The following CHD7 variants were observed in gnomAD, a reference collection of about 807,000 sequenced individuals.
The protein encoded by CHD7 is chromodomain helicase DNA binding protein 7.
CHD7 carries 24 observed loss-of-function variants against 307.3 expected under a neutral mutation model. That is an observed-to-expected ratio of 0.08 (90% CI 0.06 to 0.11). The LOEUF is 0.11. CHD7 is among the 10% of genes least tolerant of loss of function. The probability of loss-of-function intolerance (pLI) is 1.00; values close to 1 mark genes in which losing one functional copy is unlikely to be tolerated. For missense variants in CHD7, 3,106 were observed against 3,727.1 expected, an observed-to-expected ratio of 0.83 and a Z score of 4.34; for synonymous variants, 1,363 against 1,349.9, an observed-to-expected ratio of 1.01 and a Z score of -0.21.
chr8:60,799,360 G>C (rs1264745078), intron 4 of CHD7, among the ~76,000 whole-genome samples: 1 of 152,196 alleles, frequency 6.6e-6, no homozygotes, highest in Non-Finnish European at 1.5e-5. Context: ...TTGACCACAG[G>C]ATTGTGAGAA....
In CHD7 at chr8:60,828,087, CAA is replaced by C. The variant is rs1177998008; in HGVS notation, c.3379-574_3379-573del. 2.0e-5 allele frequency among the ~76,000 whole-genome samples: 3 copies of C among 151,996 alleles called. No individual in the cohort carries two copies. In the East Asian group the frequency reaches 5.8e-4, roughly 29 times the overall value. ...AATTAAAGAAATACCTAACTTGGTT[CAA>C]AGAGACAAATTTATAAATAGCATCT... is the stretch of plus-strand genomic sequence containing the variant. On this transcript the variant is annotated intron_variant, in intron 13 of 37. Coordinates refer to ENST00000423902, the MANE Select transcript of CHD7 (RefSeq NM_017780.4).
At chr8:60,772,276 C>T (rs1810748555) in intron 2 of CHD7, among the ~76,000 whole-genome samples, 1 of 152,064 alleles carries the variant, frequency 6.6e-6, no homozygotes. Context: ...TGCACAAACC[C>T]CTGGGATTGT....
At chr8:60,705,040 G>T (rs577021029) in intron 1 of CHD7, among the ~76,000 whole-genome samples, 1 of 152,186 alleles carries the variant, frequency 6.6e-6, no homozygotes. Flanking sequence ...CTGCATAGGA[G>T]CTCTGAATGT....
chr8:60,753,100 T>G (rs1325564340), intron 2 of CHD7, among the ~76,000 whole-genome samples: 1 of 152,258 alleles, frequency 6.6e-6, no homozygotes, highest in Non-Finnish European at 1.5e-5. Flanking sequence ...TTGAAATGCA[T>G]GAAGACATCC....
intron 8 of CHD7, among the ~76,000 whole-genome samples, chr8:60,819,787 C>T (rs974355995): frequency 3.3e-5 from 5 of 152,186 alleles, no homozygotes; most frequent in Non-Finnish European, 4.4e-5. Flanking sequence ...AGGTTTCACA[C>T]GGTAATTAAA....
In CHD7 at chr8:60,862,809, T is replaced by C. The variant is rs62526546; in HGVS notation, c.8076+157T>C. 6 of 522,514 alleles carry C rather than the reference T, an allele frequency of 1.1e-5. No homozygotes were observed. In the East Asian group the frequency reaches 2.0e-4, roughly 17 times the overall value. 32.4% of individuals were successfully genotyped at this position (522,514 alleles called of 1,614,324 possible). A position where few individuals can be genotyped will look rare whatever the true frequency, so the allele number is the denominator to read the frequency against. ...TTTCATACATCATTTCATACATCAT[T>C]AATACATCATTAATCCAAAGTGAAT... On this transcript the variant is annotated intron_variant, in intron 37 of 37. Transcript: ENST00000423902.
chr8:60,680,708 C>G (rs942604078), intron 1 of CHD7, among the ~76,000 whole-genome samples: 1 of 152,102 alleles, frequency 6.6e-6, no homozygotes, highest in Admixed American at 6.5e-5. Flanking sequence ...AGTTTTTTTC[C>G]CCCTCTTCTG....
intron 1 of CHD7, among the ~76,000 whole-genome samples, chr8:60,726,464 C>T (rs1397127488): frequency 2.6e-5 from 4 of 152,114 alleles, no homozygotes; most frequent in South Asian, 2.1e-4. Flanking sequence ...AGAATGCTTT[C>T]GAAATTAAGA....
intron 23 of CHD7, among the ~76,000 whole-genome samples, chr8:60,846,157 A>G (rs561580313): frequency 6.6e-6 from 1 of 152,312 alleles, no homozygotes. Context: ...TAATGGTGCT[A>G]TGAACATTGT....
Position 60,821,963 on chromosome 8 carries a change from A to G in CHD7, c.2835+36A>G, listed in dbSNP as rs760393295. The G allele has an allele frequency of 1.9e-6, 3 of 1,613,262 alleles. No individual in the cohort carries two copies. The African/African-American group carries it at 4.0e-5, about 22-fold the overall frequency. On this transcript the variant is annotated intron_variant, in intron 10 of 37. Coordinates refer to ENST00000423902, the MANE Select transcript of CHD7 (RefSeq NM_017780.4). Reference sequence around the variant, plus strand: ...GCTGATGGTAGAGAATTTAATTTGAAAATAGCATAGTGGTGTGGTCTTTGG... The same window carrying G: ...GCTGATGGTAGAGAATTTAATTTGAGAATAGCATAGTGGTGTGGTCTTTGG...
At chr8:60,695,560 G>C (rs979903493) in intron 1 of CHD7, among the ~76,000 whole-genome samples, 2 of 152,164 alleles carry the variant, frequency 1.3e-5, no homozygotes, top group African/African-American at 2.4e-5. Context: ...GGGAAGCATT[G>C]TCTCATGTTT....
chr8:60,758,184 G>C (rs1809988985), intron 2 of CHD7, among the ~76,000 whole-genome samples: 1 of 152,002 alleles, frequency 6.6e-6, no homozygotes, highest in Non-Finnish European at 1.5e-5. Flanking sequence ...CACCCAGGCT[G>C]GAGTGCAGTG....
intron 9 of CHD7, among the ~76,000 whole-genome samples, chr8:60,820,634 G>A (rs1803983144): frequency 6.6e-6 from 1 of 152,222 alleles, no homozygotes; most frequent in Non-Finnish European, 1.5e-5. Flanking sequence ...GAAGACAAGT[G>A]TAGTGACTTC....
At chr8:60,767,861 G>A (rs1034475001) in intron 2 of CHD7, among the ~76,000 whole-genome samples, 4 of 152,102 alleles carry the variant, frequency 2.6e-5, no homozygotes, top group Admixed American at 6.5e-5. Flanking sequence ...TTCTGTGCAC[G>A]GTGAACTGTC....
Position 60,841,874 on chromosome 8 carries a change from G to A in CHD7, c.4672G>A (p.Val1558Met). Residue 1558 changes from valine (V) to methionine (M), a missense_variant, in exon 21 of 38, where the codon GTG becomes ATG. By Grantham distance (21) the Val-to-Met change is conservative (BLOSUM62 1). This residue lies in a region of CHD7 where 122 missense variants were observed against 124.5 expected (regional missense o/e 0.98). Transcript: ENST00000423902. ...RNNLVIDTPR[V>M]RKQTRLYSAV... Reference sequence around the variant, plus strand: ...CAACCTGGTTATTGATACTCCAAGAGTGAGAAAGCAGACCAGGCTCTACAG... The same window carrying A: ...CAACCTGGTTATTGATACTCCAAGAATGAGAAAGCAGACCAGGCTCTACAG... 6.2e-7 allele frequency: 1 copy of A among 1,608,934 alleles called. No individual in the cohort carries two copies. Among genetic ancestry groups the A allele is most frequent in the Non-Finnish European group, 8.5e-7 (1 of 1,177,190 alleles).
chr8:60,814,709 T>A (rs1360252137), intron 7 of CHD7, among the ~76,000 whole-genome samples: 1 of 152,196 alleles, frequency 6.6e-6, no homozygotes, highest in Non-Finnish European at 1.5e-5. Flanking sequence ...GTATAATATG[T>A]GTTTCTGATT....
intron 1 of CHD7, among the ~76,000 whole-genome samples, chr8:60,692,193 T>C (rs1050813011): frequency 4.7e-5 from 7 of 150,488 alleles, no homozygotes; most frequent in Non-Finnish European, 1.0e-4. Flanking sequence ...TTGCAAGTTA[T>C]GTTATTCTCT....
rs1289700525 is a variant in CHD7, at chr8:60,718,308, C to T, written c.-174-22951C>T. 3.3e-5 allele frequency among the ~76,000 whole-genome samples: 5 copies of T among 152,104 alleles called. No homozygotes were observed. The East Asian group carries it at 9.6e-4, about 29-fold the overall frequency. The stretch of plus-strand genomic sequence containing the variant: ...CCTGGCCAACATGGCAAAACCCCAT[C>T]TCTACTAAAAAATACAAAAATTAGC... On this transcript the variant is annotated intron_variant, in intron 1 of 37. Transcript: ENST00000423902.
At chr8:60,863,734 TTTTC>T in intron 37 of CHD7, 1 of 149,824 alleles carries the variant, frequency 6.7e-6, no homozygotes, top group African/African-American at 2.5e-5. Context: ...ATATCTTTTT[TTTTC>T]TTTTTTTTTT....
Sources: gnomAD v4.1 joint callset for allele counts (sites outside exome capture counted in the v4.1 genomes callset) on GRCh38, gnomAD v4.1.1 for gene constraint, gnomAD v4.1.1 regional missense constraint, MANE v1.5 for transcripts, NCBI Gene and HGNC (gene_info 2026-07-23, HGNC 2026-07-21) for gene names.